Variants in NCSTN observed in about 807,000 individuals in gnomAD.
NCSTN encodes the protein nicastrin.
In NCSTN, 22 loss-of-function variants were observed where a neutral mutation model predicts 87.0. The observed-to-expected ratio is 0.25, with a 90% CI of 0.18 to 0.36. The LOEUF (loss-of-function observed/expected upper bound fraction) is 0.36. Ranked by LOEUF, NCSTN falls within the 10% of genes least tolerant of loss-of-function variation. The pLI is 1.00. For missense variants in NCSTN, 693 were observed against 883.3 expected (o/e 0.78, Z 2.73); for synonymous variants, 306 against 327.1 (o/e 0.94, Z 0.69).
rs375009212 is a variant in NCSTN at position 160,343,391 on chromosome 1, G to C, written c.-6G>C. ...AACGGGGGCTTCCGCTCAGCAGAGA[G>C]GCAAGATGGCTACGGCAGGGGGTGG... On this transcript the variant is annotated 5_prime_UTR_variant, in exon 1 of 17. Transcript: ENST00000294785. The C allele has an allele frequency of 1.2e-5, 20 of 1,613,004 alleles. No homozygotes were observed. The highest frequency in any genetic ancestry group is 3.3e-5 in the Admixed American group (2 of 59,932).
intron 8 of NCSTN, 73 bp downstream of exon 8, chr1:160,352,279 G>A: frequency 6.3e-7 from 1 of 1,587,462 alleles, no homozygotes; most frequent in Non-Finnish European, 8.6e-7. Context: ...GCTACTGGTT[G>A]GAGAAGACCT....
intron 16 of NCSTN, among the ~76,000 whole-genome samples, chr1:160,357,544 A>G (rs1040582225): frequency 2.0e-5 from 3 of 152,218 alleles, no homozygotes; most frequent in Admixed American, 6.5e-5. Flanking sequence ...AGCTGGGATT[A>G]CAGGCATGTG....
intron 2 of NCSTN, among the ~76,000 whole-genome samples, chr1:160,346,268 C>G (rs890058235): frequency 2.0e-5 from 3 of 152,176 alleles, no homozygotes; most frequent in African/African-American, 7.2e-5. Flanking sequence ...TCAAATTGAT[C>G]ACCTCTGAAT....
At chr1:160,351,630 A>T (rs1294177380) in intron 6 of NCSTN, 66 bp from the exon 7 acceptor site, 1 of 1,429,954 alleles carries the variant, frequency 7.0e-7, no homozygotes, top group Admixed American at 1.7e-5. Flanking sequence ...GAGATTTCCA[A>T]TGTTGCCTTT....
In NCSTN at chr1:160,355,518, G is replaced by T. The variant is rs6427516; in HGVS notation, c.1353-137G>T. On this transcript the variant is annotated intron_variant, in intron 11 of 16. Coordinates refer to ENST00000294785, the MANE Select transcript of NCSTN (RefSeq NM_015331.3). ...GTTCTCCACACCTTCTGCAATATGG[G>T]ATCCTGATTGTCTCTCACCCCTTTC... 0.028 allele frequency: 20,512 copies of T among 721,830 alleles called. 2,909 individuals are homozygous for T. In the African/African-American group the frequency reaches 0.31, roughly 11 times the overall value. 44.7% of individuals were successfully genotyped at this position (721,830 alleles called of 1,614,324 possible).
At position 160,351,734 on chromosome 1, in the gene NCSTN, A is replaced by T; in HGVS notation, c.772A>T (p.Ser258Cys). ...CCCCCTGTCTGATTACAATGTGTGG[A>T]GCATGCTAAAGCCTATAAATACAAC... is the stretch of plus-strand genomic sequence containing the variant. ...CDPLSDYNVWSMLKPINTTGT... is the reference protein window; with the variant it reads ...CDPLSDYNVWCMLKPINTTGT... The change falls in exon 7 of 17, where the codon AGC (serine) becomes TGC (cysteine). Residue 258 changes from serine (S) to cysteine (C), a missense_variant. Coordinates refer to ENST00000294785, the MANE Select transcript of NCSTN (RefSeq NM_015331.3). The T allele has an allele frequency of 6.2e-7, 1 of 1,613,000 alleles. No homozygotes were observed. Among genetic ancestry groups the T allele is most frequent in the Non-Finnish European group, 8.5e-7 (1 of 1,178,966 alleles).
intron 2 of NCSTN, chr1:160,345,231 C>A (rs1648405365): frequency 6.7e-6 from 2 of 298,414 alleles, no homozygotes; most frequent in Non-Finnish European, 1.3e-5. Flanking sequence ...TCACTCTTGT[C>A]CCCCAGGCTG....
chr1:160,349,673 A>G lies in NCSTN; in HGVS notation c.436+3A>G. On this transcript the variant is annotated splice_donor_region_variant and intron_variant, in intron 4 of 16. Transcript: ENST00000294785. ...ACAGTGCCCAAATGATGGGTTTGGT[A>G]AGTGTCCCAAAGGATCAGGAGAGCC... is the stretch of plus-strand genomic sequence containing the variant. 6.2e-7 allele frequency: 1 copy of G among 1,613,596 alleles called. No individual in the cohort carries two copies. Among genetic ancestry groups the G allele is most frequent in the South Asian group, 1.1e-5 (1 of 91,058 alleles).
Position 160,355,689 on chromosome 1 carries a change from A to C in NCSTN, c.1387A>C (p.Ile463Leu). The C allele has an allele frequency of 6.2e-7, 1 of 1,614,214 alleles. No homozygotes were observed. The highest frequency in any genetic ancestry group is 1.1e-5 in the South Asian group (1 of 91,080). ...GAGTATTTACGACACTGCTGAGAAC[A>C]TTAATGTGAGCTATCCCGAATGGCT... ...YQSIYDTAEN[I>L]NVSYPEWLSP... is the part of the protein sequence containing the mutation. The change falls in exon 12 of 17, where the codon ATT (isoleucine) becomes CTT (leucine). Residue 463 changes from isoleucine (I) to leucine (L), a missense_variant. Physicochemically the swap from Ile to Leu is conservative, Grantham distance 5 (BLOSUM62 2). Transcript: ENST00000294785.
At chr1:160,344,003 A>G (rs1468966291) in intron 1 of NCSTN, 2 of 247,898 alleles carry the variant, frequency 8.1e-6, no homozygotes, top group Admixed American at 5.9e-5. Context: ...ATAAGGTAGG[A>G]TATGGGTACT....
chr1:160,349,971 C>T, intron 4 of NCSTN, 134 bp from the exon 5 acceptor site: 1 of 1,133,122 alleles, frequency 8.8e-7, no homozygotes, highest in Non-Finnish European at 1.3e-6. Context: ...TAATAGACTT[C>T]ATGCCTACTT....
intron 15 of NCSTN, 42 bp downstream of exon 15, chr1:160,356,796 C>T (rs1377274144): frequency 6.2e-7 from 1 of 1,612,344 alleles, no homozygotes; most frequent in Non-Finnish European, 8.5e-7. Flanking sequence ...GGGCCCCTTT[C>T]CCTTGGGAAA....
At chr1:160,354,430 C>T (rs1557887979) in intron 11 of NCSTN, 140 bp downstream of exon 11, 7 of 921,516 alleles carry the variant, frequency 7.6e-6, no homozygotes, top group South Asian at 1.3e-5. Context: ...TGCTCAGTGG[C>T]GTTTTCACAT....
intron 6 of NCSTN, 126 bp downstream of exon 6, chr1:160,351,498 A>G: frequency 7.4e-7 from 1 of 1,347,568 alleles, no homozygotes; most frequent in Non-Finnish European, 1.0e-6. Flanking sequence ...TCTGCATGGG[A>G]GAACTAGAAA....
rs377289666 is a variant in NCSTN at position 160,351,215 on chromosome 1, C to A, written c.583-7C>A. On this transcript the variant is annotated splice_region_variant and splice_polypyrimidine_tract_variant and intron_variant, in intron 5 of 16. Transcript: ENST00000294785. ...GCTGTCTCAGTGGGGTCCATCTCCC[C>A]TTTCAGTGCTATCAAGATCACAACC... 6.2e-7 allele frequency: 1 copy of A among 1,614,002 alleles called. No individual in the cohort carries two copies. Among genetic ancestry groups the A allele is most frequent in the African/African-American group, 1.3e-5 (1 of 74,914 alleles).
At chr1:160,344,629 G>T (rs753579115) in intron 1 of NCSTN, 93 bp from the exon 2 acceptor site, 5 of 1,570,302 alleles carry the variant, frequency 3.2e-6, no homozygotes, top group African/African-American at 2.7e-5. Context: ...GATATTAAAT[G>T]ATTTACCCAA....
chr1:160,351,083 A>G (rs1051175140), intron 5 of NCSTN, 139 bp from the exon 6 acceptor site: 6 of 877,554 alleles, frequency 6.8e-6, no homozygotes, highest in African/African-American at 6.6e-5. Flanking sequence ...TTCTAGGATA[A>G]CTATAGCTCA....
intron 2 of NCSTN, among the ~76,000 whole-genome samples, chr1:160,348,532 A>G (rs373885634): frequency 3.3e-4 from 51 of 152,380 alleles, no homozygotes; most frequent in African/African-American, 1.2e-3. Flanking sequence ...AGAAGCAAGT[A>G]AAGTCATTCC....
rs2101910510 is a variant in NCSTN, at chr1:160,357,055, A to G, written c.1809A>G (p.Ser603=). The G allele has an allele frequency of 3.1e-6, 5 of 1,613,816 alleles. No individual in the cohort carries two copies. The highest frequency in any genetic ancestry group is 4.2e-6 in the Non-Finnish European group (5 of 1,179,842). The change falls in exon 16 of 17, where the codon TCA becomes TCG. Residue 603 remains serine (S), a synonymous_variant. Coordinates refer to ENST00000294785, the MANE Select transcript of NCSTN (RefSeq NM_015331.3). The part of the protein sequence containing the change: ...PSENKDLYEY[S]WVQGPLHSNE... The stretch of plus-strand genomic sequence containing the variant: ...CTTCTGTGCAGCTGTATGAGTACTC[A>G]TGGGTCCAGGGCCCTTTGCATTCTA...
Sources: allele counts gnomAD v4.1 joint callset (sites outside exome capture counted in the v4.1 genomes callset), GRCh38; gene constraint gnomAD v4.1.1; transcripts MANE v1.5; gene names NCBI Gene and HGNC (gene_info 2026-07-23, HGNC 2026-07-21).